NTN4: variants seen among roughly 807,000 people sequenced by gnomAD.
NTN4 encodes netrin-4.
Under a neutral mutation model 73.6 loss-of-function variants are expected in NTN4, and 32 were observed. The observed-to-expected ratio is 0.44, with a 90% confidence interval of 0.33 to 0.58. The LOEUF (loss-of-function observed/expected upper bound fraction) is 0.58, where lower values mean the gene tolerates loss of function less well. Ranked by LOEUF, NTN4 falls within the 20% of genes least tolerant of loss-of-function variation. NTN4 has a pLI of 0.04. For synonymous variants in NTN4, 258 were observed against 287.5 expected, an observed-to-expected ratio of 0.90 and a Z score of 1.04; for missense variants, 654 against 798.3, an observed-to-expected ratio of 0.82 and a Z score of 2.18.
rs779519248 is a variant in NTN4, at chr12:95,787,173, G to A, written c.351C>T (p.Ile117=). 5.0e-6 allele frequency: 8 copies of A among 1,614,094 alleles called. No homozygotes were observed. The Admixed American group carries it at 1.3e-4, about 27-fold the overall frequency. The stretch of plus-strand genomic sequence containing the variant: ...AGAATTCAGCTTCCAGGTCTAACTG[G>A]ATCTTTTCTCTGTGCACATCCTCCG... The part of the protein sequence containing the change: ...QSAEDVHREK[I]QLDLEAEFYF... The change falls in exon 2 of 10, where the codon ATC becomes ATT. Residue 117 remains isoleucine, a synonymous_variant. Transcript: ENST00000343702.
At chr12:95,690,799 A>C (rs959368222) in intron 5 of NTN4, among the ~76,000 whole-genome samples, 1 of 152,184 alleles carries the variant, frequency 6.6e-6, no homozygotes, top group African/African-American at 2.4e-5. Flanking sequence ...GGAGAGATTT[A>C]GCCAGAAGAA....
At chr12:95,735,766 G>A (rs1161145690) in intron 3 of NTN4, among the ~76,000 whole-genome samples, 1 of 151,868 alleles carries the variant, frequency 6.6e-6, no homozygotes, top group Non-Finnish European at 1.5e-5. Context: ...GTTGAATTTG[G>A]CAGAACAAAG....
intron 5 of NTN4, among the ~76,000 whole-genome samples, chr12:95,685,583 G>A (rs1266331828): frequency 6.6e-6 from 1 of 152,184 alleles, no homozygotes; most frequent in Admixed American, 6.5e-5. Context: ...TCTTCATGCT[G>A]CACCTTCTCA....
At chr12:95,727,978 T>A (rs1171363835) in intron 3 of NTN4, among the ~76,000 whole-genome samples, 2 of 152,200 alleles carry the variant, frequency 1.3e-5, no homozygotes, top group Non-Finnish European at 2.9e-5. Context: ...AATTTTTTTT[T>A]AACAATGTTT....
chr12:95,761,338 TTTC>T (rs2078985456), intron 2 of NTN4, among the ~76,000 whole-genome samples: 1 of 146,324 alleles, frequency 6.8e-6, no homozygotes, highest in Non-Finnish European at 1.5e-5. Context: ...TTTTTTTTTT[TTTC>T]CCCAAGACGG....
intron 5 of NTN4, among the ~76,000 whole-genome samples, chr12:95,688,861 T>C (rs1033504935): frequency 4.0e-5 from 6 of 151,518 alleles, no homozygotes; most frequent in Non-Finnish European, 7.4e-5. Context: ...TCACATACGA[T>C]GGACAATAGG....
rs945374148 is a variant in NTN4 at position 95,735,199 on chromosome 12, C to T, written c.864+2667G>A. On this transcript the variant is annotated intron_variant, in intron 3 of 9. Coordinates refer to ENST00000343702, the MANE Select transcript of NTN4 (RefSeq NM_021229.4). ...AACCAGAATAATTCACATTTCCAAC[C>T]GTGGCTGCTATTGGTCCAATTGCTT... is the stretch of plus-strand genomic sequence containing the variant. Among the ~76,000 whole-genome samples the T allele has an allele frequency of 7.2e-5, 11 of 152,054 alleles. No homozygotes were observed. The South Asian group carries it at 1.0e-3, about 14-fold the overall frequency.
chr12:95,659,253 G>C, intron 9 of NTN4, 31 bp from the exon 10 acceptor site: 1 of 1,550,416 alleles, frequency 6.4e-7, no homozygotes. Flanking sequence ...GGGCTATACA[G>C]TATCATACTT....
In NTN4 at chr12:95,744,283, T is replaced by G. The variant is rs949939121; in HGVS notation, c.586-6139A>C. The stretch of plus-strand genomic sequence containing the variant: ...CCTTTTTATCCTTGGCAATATTCTT[T>G]GATCTAAAATCTACTTTGATAGTAA... On this transcript the variant is annotated intron_variant, in intron 2 of 9. Transcript: ENST00000343702. Among the ~76,000 whole-genome samples, 4 of 152,350 alleles carry G rather than the reference T, an allele frequency of 2.6e-5. No homozygotes were observed. In the East Asian group the frequency reaches 7.7e-4, roughly 29 times the overall value.
chr12:95,662,991 A>C (rs913620445), intron 9 of NTN4, among the ~76,000 whole-genome samples: 3 of 152,066 alleles, frequency 2.0e-5, no homozygotes, highest in Non-Finnish European at 4.4e-5. Context: ...GTTTGGTGGC[A>C]TGTCTATAGT....
intron 2 of NTN4, among the ~76,000 whole-genome samples, chr12:95,746,093 G>A (rs908936933): frequency 6.6e-6 from 1 of 152,038 alleles, no homozygotes; most frequent in African/African-American, 2.4e-5. Context: ...CCTTAGCTAA[G>A]AGAGCCAGAC....
chr12:95,789,978 C>T lies in NTN4; in HGVS notation c.55+277G>A. 2.6e-6 allele frequency: 1 copy of T among 388,392 alleles called. No individual in the cohort carries two copies. The highest frequency in any genetic ancestry group is 4.6e-6 in the Non-Finnish European group (1 of 218,424). 24.1% of individuals were successfully genotyped at this position (388,392 alleles called of 1,614,324 possible). A position where few individuals can be genotyped will look rare whatever the true frequency, so the allele number is the denominator to read the frequency against. ...AGTGGAAAAGCAGTTTTTTAACAAG[C>T]CAAACCAAGAAAGAAACCCCGGTCG... On this transcript the variant is annotated intron_variant, in intron 1 of 9. Transcript: ENST00000343702. The surrounding 1 kb of genome is among the most constrained non-coding windows in gnomAD (Gnocchi z 4.0).
At chr12:95,682,576 T>G in intron 7 of NTN4, 131 bp downstream of exon 7, 3 of 577,710 alleles carry the variant, frequency 5.2e-6, no homozygotes. Context: ...GTCACTACTT[T>G]ATTATACCAT....
At chr12:95,786,725 A>C (rs1247730949) in intron 2 of NTN4, among the ~76,000 whole-genome samples, 1 of 152,218 alleles carries the variant, frequency 6.6e-6, no homozygotes, top group East Asian at 1.9e-4. Flanking sequence ...GAATCTTAGA[A>C]TACTGACTTA....
intron 5 of NTN4, 111 bp downstream of exon 5, chr12:95,710,330 G>T: frequency 1.2e-6 from 1 of 813,652 alleles, no homozygotes; most frequent in Non-Finnish European, 1.9e-6. Flanking sequence ...CTGTGAGTGT[G>T]TTATCTCAGA....
intron 9 of NTN4, among the ~76,000 whole-genome samples, chr12:95,661,027 G>T (rs1592803678): frequency 6.6e-6 from 1 of 152,076 alleles, no homozygotes; most frequent in African/African-American, 2.4e-5. Flanking sequence ...AGCAGGAAGG[G>T]GTTATAACTT....
chr12:95,724,242 C>T (rs1592686700), intron 3 of NTN4, among the ~76,000 whole-genome samples: 1 of 151,980 alleles, frequency 6.6e-6, no homozygotes, highest in African/African-American at 2.4e-5. Flanking sequence ...ATTGTAATGC[C>T]CAGGAGGCTT....
rs1178567999 is a variant in NTN4, at chr12:95,790,341, GCGGGTGC to G, written c.-39_-33del. ...GAGGAGCCGGGAGCAGCCGGGCCGG[GCGGGTGC>G]CGGAGGGAGCCGAGACCTCTGGGCT... On this transcript the variant is annotated 5_prime_UTR_variant, in exon 1 of 10. Transcript: ENST00000343702. This position sits in a 1 kb window ranked among gnomAD's most constrained non-coding sequence, Gnocchi z 6.5. 7.9e-6 allele frequency: 12 copies of G among 1,517,944 alleles called. No individual in the cohort carries two copies. Among genetic ancestry groups the G allele is most frequent in the Non-Finnish European group, 1.1e-5 (12 of 1,133,236 alleles). 94.0% of individuals were successfully genotyped at this position (1,517,944 alleles called of 1,614,324 possible). A position where few individuals can be genotyped will look rare whatever the true frequency, so the allele number is the denominator to read the frequency against.
At chr12:95,750,479 C>G (rs2078898066) in intron 2 of NTN4, among the ~76,000 whole-genome samples, 1 of 152,204 alleles carries the variant, frequency 6.6e-6, no homozygotes, top group Non-Finnish European at 1.5e-5. Context: ...GACCCCAATA[C>G]AAACTCAACA....
Sources: gnomAD v4.1 joint callset for allele counts (sites outside exome capture counted in the v4.1 genomes callset) on GRCh38, gnomAD v4.1.1 for gene constraint, Gnocchi (gnomAD v3.1) non-coding constraint, MANE v1.5 for transcripts, NCBI Gene and HGNC (gene_info 2026-07-23, HGNC 2026-07-21) for gene names.